Variants in KCNQ5 observed in about 807,000 individuals in gnomAD.
KCNQ5 encodes potassium voltage-gated channel subfamily Q member 5.
KCNQ5 carries 30 observed loss-of-function variants against 98.2 expected under a neutral mutation model. The ratio of observed to expected loss-of-function variants is 0.31; its 90% CI spans 0.23 to 0.41. The LOEUF (loss-of-function observed/expected upper bound fraction) is 0.41. KCNQ5 is among the 10% of genes least tolerant of loss of function. KCNQ5 has a pLI of 1.00. For missense variants in KCNQ5, 835 were observed against 1,182.5 expected, an observed-to-expected ratio of 0.71 and a Z score of 4.31; for synonymous variants, 458 against 449.4, an observed-to-expected ratio of 1.02 and a Z score of -0.24.
chr6:72,822,837 C>T (rs1299318362), intron 1 of KCNQ5, among the ~76,000 whole-genome samples: 1 of 152,132 alleles, frequency 6.6e-6, no homozygotes, highest in East Asian at 1.9e-4. Context: ...GAGCTGTATT[C>T]CTCCTGGAAG....
intron 1 of KCNQ5, among the ~76,000 whole-genome samples, chr6:72,649,645 T>C (rs1582045340): frequency 6.6e-6 from 1 of 152,290 alleles, no homozygotes; most frequent in East Asian, 1.9e-4. Flanking sequence ...TCTTGAATGC[T>C]TCTTTAAAGA....
intron 1 of KCNQ5, among the ~76,000 whole-genome samples, chr6:72,862,226 A>T (rs1777794252): frequency 1.3e-5 from 2 of 152,126 alleles, no homozygotes; most frequent in African/African-American, 4.8e-5. Context: ...GGGTCCTGTC[A>T]TGGGCCCATA....
chr6:73,122,746 T>A (rs1353700981), intron 8 of KCNQ5, among the ~76,000 whole-genome samples: 1 of 152,174 alleles, frequency 6.6e-6, no homozygotes, highest in African/African-American at 2.4e-5. Flanking sequence ...AATTATGGGG[T>A]CTTTCCCAAG....
intron 1 of KCNQ5, among the ~76,000 whole-genome samples, chr6:72,660,443 C>T (rs1020380484): frequency 1.6e-4 from 25 of 152,066 alleles, no homozygotes; most frequent in Admixed American, 5.2e-4. Context: ...GTCTGATAAT[C>T]CCTTTTTATC....
chr6:72,926,931 G>A (rs760987397), intron 1 of KCNQ5, among the ~76,000 whole-genome samples: 4 of 152,104 alleles, frequency 2.6e-5, no homozygotes, highest in African/African-American at 9.7e-5. Flanking sequence ...TCAGATAAGA[G>A]TTGTAGTTGC....
At chr6:73,058,419 AC>A (rs1372419564) in intron 3 of KCNQ5, among the ~76,000 whole-genome samples, 4 of 152,342 alleles carry the variant, frequency 2.6e-5, no homozygotes, top group Non-Finnish European at 5.9e-5. Context: ...TCAAAAAAAA[AC>A]AAACCTAAAA....
chr6:72,778,796 A>T (rs1773301393), intron 1 of KCNQ5, among the ~76,000 whole-genome samples: 1 of 152,224 alleles, frequency 6.6e-6, no homozygotes, highest in Non-Finnish European at 1.5e-5. Flanking sequence ...GCACAGTCAG[A>T]AATGTATCAG....
chr6:72,774,162 T>C (rs1164331540), intron 1 of KCNQ5, among the ~76,000 whole-genome samples: 1 of 152,146 alleles, frequency 6.6e-6, no homozygotes, highest in East Asian at 1.9e-4. Context: ...CAAAATCTTC[T>C]AAAATAGGGG....
intron 1 of KCNQ5, among the ~76,000 whole-genome samples, chr6:72,764,462 T>A (rs1772460185): frequency 6.6e-6 from 1 of 151,964 alleles, no homozygotes; most frequent in Non-Finnish European, 1.5e-5. Flanking sequence ...TTTTTATTTT[T>A]CTTCTATTTT....
chr6:73,089,653 A>G (rs550340596), intron 5 of KCNQ5, among the ~76,000 whole-genome samples: 11 of 152,262 alleles, frequency 7.2e-5, no homozygotes, highest in African/African-American at 2.4e-4. Context: ...GAGTGAGAAC[A>G]TAGGATGTTT....
rs978187987 is a variant in KCNQ5 at position 72,622,850 on chromosome 6, G to A, written c.398+263G>A. Among the ~76,000 whole-genome samples the A allele has an allele frequency of 3.3e-5, 5 of 152,200 alleles. No individual in the cohort carries two copies. Among genetic ancestry groups the A allele is most frequent in the African/African-American group, 1.2e-4 (5 of 41,464 alleles). ...CTTCAGGCTCCCGGGGCGAGAGCCA[G>A]GCAGACGCGGGACTTAGGCTGCGCG... On this transcript the variant is annotated intron_variant, in intron 1 of 13. Transcript: ENST00000370398. The surrounding 1 kb of genome is among the most constrained non-coding windows in gnomAD (Gnocchi z 6.0).
intron 1 of KCNQ5, among the ~76,000 whole-genome samples, chr6:72,832,790 A>C (rs1427223848): frequency 1.3e-5 from 2 of 152,122 alleles, no homozygotes; most frequent in East Asian, 3.9e-4. Context: ...CACTCATCTT[A>C]TTTTTCAAGT....
intron 1 of KCNQ5, among the ~76,000 whole-genome samples, chr6:72,892,385 C>G (rs955317498): frequency 2.6e-5 from 4 of 152,168 alleles, no homozygotes; most frequent in African/African-American, 7.2e-5. Context: ...GGTCAGAGCC[C>G]TTGACATACA....
chr6:73,126,616 A>G (rs1419360496), intron 9 of KCNQ5, among the ~76,000 whole-genome samples: 1 of 152,152 alleles, frequency 6.6e-6, no homozygotes. Context: ...ACTCACCCAT[A>G]GGTTTAAATA....
At chr6:72,686,780 T>A (rs187851942) in intron 1 of KCNQ5, among the ~76,000 whole-genome samples, 1 of 150,344 alleles carries the variant, frequency 6.7e-6, no homozygotes, top group East Asian at 2.0e-4. Flanking sequence ...GTGGTACAGG[T>A]TATGAGATAA....
intron 2 of KCNQ5, among the ~76,000 whole-genome samples, chr6:73,040,900 G>A (rs1771657858): frequency 6.6e-6 from 1 of 152,160 alleles, no homozygotes. Flanking sequence ...GAGTAGGTTA[G>A]AATGTTTACT....
At chr6:72,934,131 C>T (rs1403837621) in intron 1 of KCNQ5, among the ~76,000 whole-genome samples, 1 of 152,120 alleles carries the variant, frequency 6.6e-6, no homozygotes, top group African/African-American at 2.4e-5. Context: ...GCATGAAGAT[C>T]CTACTTTAGC....
At chr6:72,877,207 C>G (rs574576546) in intron 1 of KCNQ5, among the ~76,000 whole-genome samples, 1 of 152,272 alleles carries the variant, frequency 6.6e-6, no homozygotes, top group African/African-American at 2.4e-5. Flanking sequence ...AATGCTATCC[C>G]TCTCCTTGCC....
Position 73,196,719 on chromosome 6 carries a change from T to C in KCNQ5, c.*1305T>C, listed in dbSNP as rs138531333. The C allele has an allele frequency of 2.7e-4, 41 of 152,322 alleles. No individual in the cohort carries two copies. Among genetic ancestry groups the C allele is most frequent in the African/African-American group, 9.6e-4 (40 of 41,576 alleles). The allele number at this position is 152,322 out of a possible 1,614,324, so 9.4% of individuals were successfully genotyped here. ...TTGTCCCAAATCTGAAATTACTGGT[T>C]CAATTTCCTGATATAAACATTTACA... On this transcript the variant is annotated 3_prime_UTR_variant, in exon 14 of 14. Transcript: ENST00000370398.
Sources: gnomAD v4.1 joint callset for allele counts (sites outside exome capture counted in the v4.1 genomes callset) on GRCh38, gnomAD v4.1.1 for gene constraint, Gnocchi (gnomAD v3.1) non-coding constraint, MANE v1.5 for transcripts, NCBI Gene and HGNC (gene_info 2026-07-23, HGNC 2026-07-21) for gene names.